Variants in SGCZ observed in about 807,000 individuals in gnomAD.
SGCZ encodes the protein zeta-sarcoglycan.
SGCZ carries 40 observed loss-of-function variants against 41.3 expected under a neutral mutation model. The observed-to-expected ratio is 0.97, with a 90% confidence interval of 0.75 to 1.26. The LOEUF (loss-of-function observed/expected upper bound fraction) is 1.26, where lower values mean the gene tolerates loss of function less well. Among genes scored for constraint, SGCZ ranks in the 50% most tolerant of loss-of-function variants. The pLI is 0.00. For missense variants in SGCZ, 552 were observed against 369.8 expected (o/e 1.49, Z -4.04); for synonymous variants, 206 against 137.5 (o/e 1.50, Z -3.49).
At chr8:14,883,593 C>A (rs557615350) in intron 1 of SGCZ, among the ~76,000 whole-genome samples, 1 of 151,958 alleles carries the variant, frequency 6.6e-6, no homozygotes, top group African/African-American at 2.4e-5. Flanking sequence ...ATATTTCATT[C>A]TCTTCACTCT....
intron 1 of SGCZ, among the ~76,000 whole-genome samples, chr8:14,696,652 A>C (rs1226382156): frequency 6.6e-6 from 1 of 152,010 alleles, no homozygotes; most frequent in Non-Finnish European, 1.5e-5. Flanking sequence ...TCTTCTGCTT[A>C]TCTGGCTTTT....
intron 1 of SGCZ, among the ~76,000 whole-genome samples, chr8:15,197,224 A>G (rs1486333686): frequency 2.0e-5 from 3 of 152,162 alleles, no homozygotes; most frequent in Non-Finnish European, 2.9e-5. Context: ...TTTTATAACA[A>G]TGCTTTTACT....
chr8:14,429,693 T>C (rs1216961056), intron 2 of SGCZ, among the ~76,000 whole-genome samples: 3 of 152,158 alleles, frequency 2.0e-5, no homozygotes, highest in South Asian at 4.1e-4. Flanking sequence ...TGGCTAATCG[T>C]CCTTAGAAGA....
chr8:14,621,258 A>T (rs186543670), intron 1 of SGCZ, among the ~76,000 whole-genome samples: 61 of 125,548 alleles, frequency 4.9e-4, no homozygotes, highest in African/African-American at 1.7e-3. Context: ...GGACACAGGA[A>T]GGGGAACATC....
At chr8:14,186,148 T>C (rs1372774789) in intron 4 of SGCZ, among the ~76,000 whole-genome samples, 1 of 152,230 alleles carries the variant, frequency 6.6e-6, no homozygotes, top group African/African-American at 2.4e-5. Context: ...GTTCCTTTTC[T>C]GTAATGACAA....
At chr8:14,583,620 A>G (rs2117265780) in intron 1 of SGCZ, among the ~76,000 whole-genome samples, 1 of 152,266 alleles carries the variant, frequency 6.6e-6, no homozygotes, top group African/African-American at 2.4e-5. Flanking sequence ...GTTTTCTTCT[A>G]GGGTTTTTAT....
chr8:14,346,601 T>G (rs1802897936), intron 2 of SGCZ, among the ~76,000 whole-genome samples: 1 of 152,030 alleles, frequency 6.6e-6, no homozygotes. Context: ...CAATAAATCT[T>G]ATATTCATTT....
chr8:15,081,161 C>T (rs115863739), intron 1 of SGCZ, among the ~76,000 whole-genome samples: 1,910 of 152,262 alleles, frequency 0.013, 38 homozygotes, highest in African/African-American at 0.042. Context: ...AAGGTGCTTC[C>T]TACTTCAAGA....
At chr8:14,134,668 G>A (rs766868373) in intron 5 of SGCZ, among the ~76,000 whole-genome samples, 1 of 152,060 alleles carries the variant, frequency 6.6e-6, no homozygotes, top group Admixed American at 6.6e-5. Context: ...TTACCTATGT[G>A]GGAAAAAATA....
At chr8:14,189,587 C>CT (rs1427206579) in intron 4 of SGCZ, among the ~76,000 whole-genome samples, 1 of 152,188 alleles carries the variant, frequency 6.6e-6, no homozygotes, top group Non-Finnish European at 1.5e-5. Context: ...TTTTATTTAG[C>CT]TTTTCATAAT....
chr8:14,719,015 C>G (rs1346166148), intron 1 of SGCZ, among the ~76,000 whole-genome samples: 2 of 118,212 alleles, frequency 1.7e-5, no homozygotes, highest in African/African-American at 6.2e-5. Context: ...CCCCCCACCC[C>G]ACAACAGTCC....
intron 1 of SGCZ, among the ~76,000 whole-genome samples, chr8:14,588,450 A>C (rs1288408770): frequency 1.3e-5 from 2 of 152,190 alleles, no homozygotes; most frequent in Non-Finnish European, 2.9e-5. Context: ...TATTCAGTGA[A>C]TACATTAATA....
intron 1 of SGCZ, among the ~76,000 whole-genome samples, chr8:14,803,333 G>A (rs1187285095): frequency 6.6e-6 from 1 of 152,104 alleles, no homozygotes; most frequent in Admixed American, 6.5e-5. Context: ...CATCTCACTA[G>A]GGAGTGCCAG....
intron 1 of SGCZ, among the ~76,000 whole-genome samples, chr8:14,726,262 C>CAAAA (rs35093191): frequency 1.0e-5 from 1 of 99,220 alleles, no homozygotes; most frequent in Non-Finnish European, 1.9e-5. Flanking sequence ...GACTCTGTCT[C>CAAAA]AAAAAAAAAA....
intron 1 of SGCZ, among the ~76,000 whole-genome samples, chr8:14,886,168 T>A (rs1190452372): frequency 1.3e-5 from 2 of 151,370 alleles, no homozygotes. Flanking sequence ...TTGAACATTG[T>A]TGATGATTGT....
At chr8:15,125,877 G>C (rs2116961058) in intron 1 of SGCZ, among the ~76,000 whole-genome samples, 1 of 152,324 alleles carries the variant, frequency 6.6e-6, no homozygotes, top group Admixed American at 6.5e-5. Flanking sequence ...CGGGTGCAGT[G>C]GCTCACGCCT....
chr8:15,177,149 A>G (rs773817953), intron 1 of SGCZ, among the ~76,000 whole-genome samples: 1 of 152,250 alleles, frequency 6.6e-6, no homozygotes, highest in Admixed American at 6.5e-5. Context: ...CTTGAAAAAC[A>G]TTAAATAAAA....
chr8:14,776,192 G>C (rs1261605970), intron 1 of SGCZ, among the ~76,000 whole-genome samples: 2 of 152,276 alleles, frequency 1.3e-5, no homozygotes, highest in East Asian at 1.9e-4. Flanking sequence ...TGGTTTGACT[G>C]TGTCTCCACC....
Position 14,170,262 on chromosome 8 carries a change from T to A in SGCZ, c.425-5560A>T, listed in dbSNP as rs761828910. Among the ~76,000 whole-genome samples, 205 of 152,212 alleles carry A rather than the reference T, an allele frequency of 1.3e-3. 2 individuals carry two copies. The highest frequency in any genetic ancestry group is 1.6e-4 in the Non-Finnish European group (11 of 68,006). ...TATGCTCTAGCATTTCCTGAAGTAA[T>A]GCTGTGAGGAAAGGTACAAAAACAT... On this transcript the variant is annotated intron_variant, in intron 4 of 7. Transcript: ENST00000382080.
Sources: gnomAD v4.1 joint callset for allele counts (sites outside exome capture counted in the v4.1 genomes callset) on GRCh38, gnomAD v4.1.1 for gene constraint, MANE v1.5 for transcripts, NCBI Gene and HGNC (gene_info 2026-07-23, HGNC 2026-07-21) for gene names.